GRM1: variants seen among roughly 807,000 people sequenced by gnomAD.
GRM1 encodes metabotropic glutamate receptor 1.
In GRM1, 33 loss-of-function variants were observed where a neutral mutation model predicts 90.9. The ratio of observed to expected loss-of-function variants is 0.36; its 90% CI spans 0.28 to 0.49. The LOEUF is 0.49. Among genes scored for constraint, GRM1 ranks in the 20% least tolerant of loss-of-function variants. The probability of loss-of-function intolerance (pLI) is 0.99; values close to 1 mark genes in which losing one functional copy is unlikely to be tolerated. For synonymous variants in GRM1, 700 were observed against 613.2 expected, an observed-to-expected ratio of 1.14 and a Z score of -2.09; for missense variants, 1,190 against 1,534.3, an observed-to-expected ratio of 0.78 and a Z score of 3.75.
chr6:146,176,641 A>G (rs1428091484), intron 2 of GRM1, among the ~76,000 whole-genome samples: 1 of 152,068 alleles, frequency 6.6e-6, no homozygotes, highest in African/African-American at 2.4e-5. Flanking sequence ...GAAGTCTGTA[A>G]GTTTTCCTTC....
intron 1 of GRM1, among the ~76,000 whole-genome samples, chr6:146,057,402 A>T (rs538145147): frequency 2.0e-5 from 3 of 152,268 alleles, no homozygotes; most frequent in African/African-American, 2.4e-5. Context: ...TTCACTGATA[A>T]CTAGCTGAGT....
chr6:146,143,214 A>G (rs1486387346), intron 1 of GRM1, among the ~76,000 whole-genome samples: 2 of 152,216 alleles, frequency 1.3e-5, no homozygotes, highest in Non-Finnish European at 2.9e-5. Context: ...TCTTTGAATT[A>G]AAGGAAACTT....
chr6:146,087,335 A>C (rs1776579837), intron 1 of GRM1, among the ~76,000 whole-genome samples: 1 of 152,130 alleles, frequency 6.6e-6, no homozygotes. Flanking sequence ...CCCAGTGATA[A>C]ATACTATCTT....
chr6:146,128,377 A>G (rs1006333515), intron 1 of GRM1, among the ~76,000 whole-genome samples: 12 of 152,212 alleles, frequency 7.9e-5, no homozygotes, highest in Non-Finnish European at 1.8e-4. Flanking sequence ...ATTTACATAC[A>G]TACATCACCT....
chr6:146,161,364 T>TG (rs1345980882), intron 2 of GRM1, among the ~76,000 whole-genome samples: 1 of 152,208 alleles, frequency 6.6e-6, no homozygotes, highest in African/African-American at 2.4e-5. Context: ...AAATGTATCC[T>TG]GTCACCATTG....
intron 2 of GRM1, among the ~76,000 whole-genome samples, chr6:146,243,428 A>C (rs931041200): frequency 6.6e-6 from 1 of 152,058 alleles, no homozygotes; most frequent in Non-Finnish European, 1.5e-5. Context: ...GTCTGCCTTG[A>C]GTAATTCTTT....
At chr6:146,071,180 CTTAAG>C (rs1415144834) in intron 1 of GRM1, among the ~76,000 whole-genome samples, 1 of 152,130 alleles carries the variant, frequency 6.6e-6, no homozygotes, top group African/African-American at 2.4e-5. Context: ...TCAAAGGTCA[CTTAAG>C]TATAGTCTTT....
chr6:146,107,848 C>T (rs1775379575), intron 1 of GRM1, among the ~76,000 whole-genome samples: 2 of 152,070 alleles, frequency 1.3e-5, no homozygotes, highest in South Asian at 4.1e-4. Context: ...CCTTATAGTT[C>T]TCTCTTTTTG....
At chr6:146,271,490 G>A (rs1782162551) in intron 2 of GRM1, among the ~76,000 whole-genome samples, 1 of 152,128 alleles carries the variant, frequency 6.6e-6, no homozygotes, top group Non-Finnish European at 1.5e-5. Flanking sequence ...AGACAAAGGG[G>A]CCTCTGAGGG....
intron 2 of GRM1, among the ~76,000 whole-genome samples, chr6:146,161,491 A>G (rs1320046124): frequency 1.3e-5 from 2 of 152,248 alleles, no homozygotes; most frequent in African/African-American, 2.4e-5. Flanking sequence ...GTGTTTGTTT[A>G]TGTGCTTGTC....
chr6:146,265,901 A>G lies in GRM1; in HGVS notation c.951-38710A>G, dbSNP rs553953271. On this transcript the variant is annotated intron_variant, in intron 2 of 7. Transcript: ENST00000282753. The stretch of plus-strand genomic sequence containing the variant: ...TTTGTTAACTATTTAAAAAAAATAC[A>G]TATTAGAGGCTGGGAGTGGTGGCTC... 9.5e-4 allele frequency among the ~76,000 whole-genome samples: 144 copies of G among 152,302 alleles called. 1 individual carries two copies. Among genetic ancestry groups the G allele is most frequent in the Admixed American group, 6.5e-3 (100 of 15,290 alleles).
At chr6:146,254,994 G>A (rs1249811270) in intron 2 of GRM1, among the ~76,000 whole-genome samples, 1 of 152,086 alleles carries the variant, frequency 6.6e-6, no homozygotes, top group Non-Finnish European at 1.5e-5. Context: ...AAGAGATGTG[G>A]CATATAAATA....
intron 1 of GRM1, among the ~76,000 whole-genome samples, chr6:146,091,659 A>G (rs982838104): frequency 3.9e-5 from 6 of 152,062 alleles, no homozygotes; most frequent in Non-Finnish European, 7.4e-5. Context: ...TACAGTATTT[A>G]TATTTCTGAA....
chr6:146,425,698 T>C (rs1029457708), intron 7 of GRM1, among the ~76,000 whole-genome samples: 6 of 152,194 alleles, frequency 3.9e-5, no homozygotes, highest in African/African-American at 1.4e-4. Flanking sequence ...GTGCTGATAG[T>C]TCACCCTAAG....
chr6:146,305,672 A>G (rs1783553741), intron 3 of GRM1, among the ~76,000 whole-genome samples: 1 of 152,182 alleles, frequency 6.6e-6, no homozygotes, highest in Non-Finnish European at 1.5e-5. Context: ...ATAATGGGTG[A>G]TGGAATCTAT....
chr6:146,400,733 C>T (rs1386900404), intron 7 of GRM1, among the ~76,000 whole-genome samples: 1 of 152,024 alleles, frequency 6.6e-6, no homozygotes, highest in South Asian at 2.1e-4. Flanking sequence ...TTTTCTCCAC[C>T]AGCAGCATTA....
At chr6:146,331,751 G>A (rs967169663) in intron 3 of GRM1, among the ~76,000 whole-genome samples, 1 of 152,040 alleles carries the variant, frequency 6.6e-6, no homozygotes, top group Admixed American at 6.6e-5. Flanking sequence ...ATGCTAGTTT[G>A]TCCTGTTTTC....
intron 2 of GRM1, among the ~76,000 whole-genome samples, chr6:146,277,937 C>G (rs73783683): frequency 1.4e-4 from 21 of 152,098 alleles, no homozygotes; most frequent in Non-Finnish European, 5.9e-5. Flanking sequence ...TAATTAAAAG[C>G]TTAATAGTTA....
At chr6:146,245,167 G>T (rs1562553666) in intron 2 of GRM1, among the ~76,000 whole-genome samples, 2 of 152,086 alleles carry the variant, frequency 1.3e-5, no homozygotes, top group African/African-American at 4.8e-5. Context: ...AAATTTAATT[G>T]TATAGAAATG....
Sources: gnomAD v4.1 joint callset for allele counts (sites outside exome capture counted in the v4.1 genomes callset) on GRCh38, gnomAD v4.1.1 for gene constraint, MANE v1.5 for transcripts, NCBI Gene and HGNC (gene_info 2026-07-23, HGNC 2026-07-21) for gene names.